TRIM51G: variants seen among roughly 807,000 people sequenced by gnomAD.
TRIM51G encodes tripartite motif-containing 51G.
At chr11:48,983,662 G>A in the TRIM51G span, among the ~76,000 whole-genome samples, 1 of 151,596 alleles carries the variant, frequency 6.6e-6, no homozygotes, top group African/African-American at 2.4e-5. Context: ...AGTTTAGACA[G>A]TTAGATATTT....
At chr11:48,981,082 G>A in the TRIM51G span, 2 of 909,642 alleles carry the variant, frequency 2.2e-6, no homozygotes, top group Non-Finnish European at 3.4e-6. Flanking sequence ...GACCCAAAAT[G>A]AGAGACAAAT....
At chr11:48,979,779 C>T in the TRIM51G span, among the ~76,000 whole-genome samples, 3 of 134,254 alleles carry the variant, frequency 2.2e-5, no homozygotes, top group Admixed American at 2.6e-4. Flanking sequence ...TCTGTGTGTA[C>T]ATATATATTC....
chr11:48,983,280 A>T, the TRIM51G span, among the ~76,000 whole-genome samples: 5 of 144,078 alleles, frequency 3.5e-5, no homozygotes, highest in African/African-American at 1.3e-4. Flanking sequence ...TTGTGTTTTG[A>T]TTTCTAAGCT....
the TRIM51G span, among the ~76,000 whole-genome samples, chr11:48,979,468 C>G: frequency 6.6e-6 from 1 of 152,008 alleles, no homozygotes; most frequent in African/African-American, 2.4e-5. Context: ...TTATGTAAAA[C>G]CATTATATGA....
the TRIM51G span, among the ~76,000 whole-genome samples, chr11:48,983,456 A>AGGAGG: frequency 6.6e-6 from 1 of 152,106 alleles, no homozygotes; most frequent in South Asian, 2.1e-4. Context: ...TAGTACATGC[A>AGGAGG]GTACACATAT....
chr11:48,978,239 T>G, the TRIM51G span: 1 of 509,306 alleles, frequency 2.0e-6, no homozygotes, highest in South Asian at 1.5e-5. Context: ...ATGGAGACAG[T>G]TTCTGAAGAT....
chr11:48,982,951 A>G, the TRIM51G span, among the ~76,000 whole-genome samples: 1,165 of 3,588 alleles, frequency 0.32, 9 homozygotes, highest in Middle Eastern at 0.5. Flanking sequence ...TTTTTGGTAT[A>G]TATACATATA....
the TRIM51G span, chr11:48,980,899 T>G: frequency 4.1e-6 from 2 of 485,426 alleles, no homozygotes; most frequent in African/African-American, 4.0e-5. Context: ...AGTAACACAC[T>G]ACTAACCTTC....
chr11:48,982,119 G>A, the TRIM51G span, among the ~76,000 whole-genome samples: 1 of 152,176 alleles, frequency 6.6e-6, no homozygotes, highest in East Asian at 1.9e-4. Context: ...ATGGTCAGAG[G>A]GTGCTATGAC....
chr11:48,977,239 A>T, the TRIM51G span: 1 of 761,930 alleles, frequency 1.3e-6, no homozygotes, highest in Non-Finnish European at 2.3e-6. Flanking sequence ...CATAAGAATC[A>T]CCACCTTTAT....
chr11:48,976,332 A>AAAT, the TRIM51G span, among the ~76,000 whole-genome samples: 1 of 152,126 alleles, frequency 6.6e-6, no homozygotes, highest in East Asian at 1.9e-4. Context: ...ATTATTATTA[A>AAAT]AATATTTCTT....
chr11:48,979,362 T>A, the TRIM51G span, among the ~76,000 whole-genome samples: 24 of 152,332 alleles, frequency 1.6e-4, no homozygotes, highest in South Asian at 5.0e-3. Context: ...ACCACATTTA[T>A]AGAAAGAAAA....
chr11:48,977,435 C>G, the TRIM51G span, among the ~76,000 whole-genome samples: 1 of 152,092 alleles, frequency 6.6e-6, no homozygotes, highest in East Asian at 1.9e-4. Context: ...GATCATTAGT[C>G]TTAAGACTGG....
At chr11:48,978,790 G>T in the TRIM51G span, 5 of 685,796 alleles carry the variant, frequency 7.3e-6, no homozygotes, top group Middle Eastern at 4.1e-4. Flanking sequence ...GGAAGTAAAG[G>T]GGGAGACGGA....
chr11:48,976,600 T>C, the TRIM51G span, among the ~76,000 whole-genome samples: 17 of 152,230 alleles, frequency 1.1e-4, no homozygotes, highest in Non-Finnish European at 2.1e-4. Flanking sequence ...TTACTTCCTA[T>C]TTACAAAATA....
chr11:48,981,415 C>G, the TRIM51G span: 1 of 1,607,888 alleles, frequency 6.2e-7, no homozygotes, highest in Non-Finnish European at 8.5e-7. Flanking sequence ...TCTGTGCGTC[C>G]CACATATTTG....
the TRIM51G span, chr11:48,981,411 C>A: frequency 1.2e-6 from 2 of 1,607,812 alleles, no homozygotes; most frequent in South Asian, 2.2e-5. Context: ...TCTCTCTGTG[C>A]GTCCCACATA....
chr11:48,978,912 A>G, the TRIM51G span: 1 of 1,575,632 alleles, frequency 6.3e-7, no homozygotes, highest in Non-Finnish European at 8.7e-7. Flanking sequence ...CATTTGCCTC[A>G]GATCCTCATA....
chr11:48,982,946 G>GGT, the TRIM51G span, among the ~76,000 whole-genome samples: 353 of 49,316 alleles, frequency 7.2e-3, 5 homozygotes, highest in Middle Eastern at 0.026. Context: ...AAGTATTTTT[G>GGT]GTATATATAC....
Sources: gnomAD v4.1 joint callset for allele counts (sites outside exome capture counted in the v4.1 genomes callset) on GRCh38, gnomAD v4.1.1 for gene constraint, MANE v1.5 for transcripts, NCBI Gene and HGNC (gene_info 2026-07-23, HGNC 2026-07-21) for gene names.